Variants in STARD13 observed in about 807,000 individuals in gnomAD.
The protein encoded by STARD13 is stAR-related lipid transfer protein 13.
A neutral mutation model predicts 106.4 loss-of-function variants in STARD13; 62 were observed. The ratio of observed to expected loss-of-function variants is 0.58; its 90% CI spans 0.48 to 0.72. The LOEUF (loss-of-function observed/expected upper bound fraction) is 0.72. Among genes scored for constraint, STARD13 ranks in the 30% least tolerant of loss-of-function variants. The pLI, the probability that STARD13 is intolerant of heterozygous loss-of-function variation, is 0.00. For synonymous variants in STARD13, 565 were observed against 553.0 expected (o/e 1.02, Z -0.31); for missense variants, 1,387 against 1,424.0 (o/e 0.97, Z 0.42).
chr13:33,536,250 T>G, the STARD13 span, among the ~76,000 whole-genome samples: 1 of 152,220 alleles, frequency 6.6e-6, no homozygotes, highest in African/African-American at 2.4e-5. Context: ...TGCCATTACA[T>G]CATACGTATT....
At chr13:33,340,992 T>C (rs963590208) in intron 1 of STARD13, among the ~76,000 whole-genome samples, 11 of 152,222 alleles carry the variant, frequency 7.2e-5, no homozygotes, top group African/African-American at 2.7e-4. Context: ...ACTTATGGAC[T>C]AACTACAAAC....
the STARD13 span, among the ~76,000 whole-genome samples, chr13:33,383,996 C>G: frequency 2.0e-5 from 3 of 152,034 alleles, no homozygotes; most frequent in South Asian, 6.2e-4. Context: ...TTTAGCCTGA[C>G]CAACCAAGAC....
the STARD13 span, among the ~76,000 whole-genome samples, chr13:33,410,752 A>G: frequency 2.6e-5 from 4 of 152,194 alleles, no homozygotes; most frequent in Admixed American, 6.5e-5. Flanking sequence ...CCCTGCGTTC[A>G]TCTTTTTCTG....
the STARD13 span, among the ~76,000 whole-genome samples, chr13:33,528,337 A>G: frequency 2.0e-5 from 3 of 147,050 alleles, no homozygotes; most frequent in African/African-American, 5.1e-5. Context: ...TGACATAATC[A>G]TAGCTCACTG....
Position 33,235,663 on chromosome 13 carries a change from A to G in STARD13, c.169+49807T>C, listed in dbSNP as rs529559221. Reference sequence around the variant, plus strand: ...CCCTGTCGAAGGGCACTGTGCAAAAACTACTGAGGCCTTGAGGACACCAGG... The same window carrying G: ...CCCTGTCGAAGGGCACTGTGCAAAAGCTACTGAGGCCTTGAGGACACCAGG... On this transcript the variant is annotated intron_variant, in intron 1 of 13. Transcript: ENST00000336934. 9.2e-5 allele frequency among the ~76,000 whole-genome samples: 14 copies of G among 152,294 alleles called. No individual in the cohort carries two copies. The East Asian group carries it at 2.5e-3, about 27-fold the overall frequency.
intron 1 of STARD13, among the ~76,000 whole-genome samples, chr13:33,296,630 T>A (rs1478833240): frequency 6.6e-6 from 1 of 152,184 alleles, no homozygotes; most frequent in Non-Finnish European, 1.5e-5. Flanking sequence ...AGTTCAACTT[T>A]TTTTTGAGAT....
In STARD13 at chr13:33,155,237, C is replaced by T. The variant is rs2138303844; in HGVS notation, c.323+10100G>A. Among the ~76,000 whole-genome samples, 4 of 152,212 alleles carry T rather than the reference C, an allele frequency of 2.6e-5. No homozygotes were observed. In the East Asian group the frequency reaches 7.7e-4, roughly 29 times the overall value. On this transcript the variant is annotated intron_variant, in intron 3 of 13. Transcript: ENST00000336934. ...ACTCGCTCCTCCTTCATGGTTGTTC[C>T]CCACCTCAGGGAAGGGTATCTCTGC...
At chr13:33,315,960 A>G (rs1893317454) in intron 1 of STARD13, among the ~76,000 whole-genome samples, 1 of 152,096 alleles carries the variant, frequency 6.6e-6, no homozygotes, top group Non-Finnish European at 1.5e-5. Context: ...CACAGGGGTT[A>G]CTGTGTTGTC....
chr13:33,412,709 CGA>C, the STARD13 span, among the ~76,000 whole-genome samples: 22 of 151,806 alleles, frequency 1.4e-4, no homozygotes, highest in Non-Finnish European at 2.9e-4. Context: ...AAAAAAATGA[CGA>C]GAGTCATAGA....
intron 1 of STARD13, among the ~76,000 whole-genome samples, chr13:33,303,436 T>G (rs901289259): frequency 2.6e-5 from 4 of 152,128 alleles, no homozygotes; most frequent in Non-Finnish European, 4.4e-5. Flanking sequence ...CTTCACTTTA[T>G]CTATCTTAGC....
At chr13:33,297,535 A>C (rs1892542945) in intron 1 of STARD13, among the ~76,000 whole-genome samples, 1 of 152,034 alleles carries the variant, frequency 6.6e-6, no homozygotes, top group Non-Finnish European at 1.5e-5. Context: ...CAGCCAGTGC[A>C]TTGCTGTATG....
chr13:33,352,233 T>C (rs1173085657), upstream of STARD13, among the ~76,000 whole-genome samples: 2 of 152,202 alleles, frequency 1.3e-5, no homozygotes, highest in Admixed American at 6.5e-5. Context: ...CTCTGCTTTG[T>C]ATGCATGCAG....
chr13:33,148,582 G>A (rs1165673059), intron 3 of STARD13, among the ~76,000 whole-genome samples: 9 of 152,196 alleles, frequency 5.9e-5, no homozygotes, highest in Non-Finnish European at 1.5e-5. Context: ...CTAAATGCTG[G>A]TGGGAATGTG....
chr13:33,167,014 C>A (rs797230), intron 2 of STARD13, among the ~76,000 whole-genome samples: 92,626 of 141,782 alleles, frequency 0.65, 29,272 homozygotes, highest in South Asian at 0.68. Flanking sequence ...AAAAAAAAAA[C>A]CAAAAAAAAA....
chr13:33,626,980 A>G, the STARD13 span, among the ~76,000 whole-genome samples: 1 of 152,388 alleles, frequency 6.6e-6, no homozygotes, highest in East Asian at 1.9e-4. Flanking sequence ...TTAGAATAGT[A>G]TAGTTACAAA....
the STARD13 span, among the ~76,000 whole-genome samples, chr13:33,649,524 C>T: frequency 8.6e-5 from 13 of 152,004 alleles, no homozygotes; most frequent in East Asian, 5.8e-4. Context: ...CTGGCTATAC[C>T]GAATATAAAC....
chr13:33,206,033 C>A (rs1238607611), intron 1 of STARD13: 2 of 985,362 alleles, frequency 2.0e-6, no homozygotes, highest in Non-Finnish European at 1.2e-6. Context: ...CTAGCCTGAT[C>A]AATGGTGTGC....
intron 4 of STARD13, among the ~76,000 whole-genome samples, chr13:33,132,217 C>T (rs2764615): frequency 0.33 from 49,670 of 152,080 alleles, 8,823 homozygotes; most frequent in Non-Finnish European, 0.41. Flanking sequence ...GTGGCTGATA[C>T]GGTTTGGTTG....
chr13:33,360,744 A>C, the STARD13 span, among the ~76,000 whole-genome samples: 1 of 32,496 alleles, frequency 3.1e-5, no homozygotes, highest in Admixed American at 3.9e-4. Flanking sequence ...TTGATCGTTG[A>C]ACAATATAGG....
Sources: allele counts gnomAD v4.1 joint callset (sites outside exome capture counted in the v4.1 genomes callset), GRCh38; gene constraint gnomAD v4.1.1; transcripts MANE v1.5; gene names NCBI Gene and HGNC (gene_info 2026-07-23, HGNC 2026-07-21).